The following RNF167 variants were observed in gnomAD, a reference collection of about 807,000 sequenced individuals.
RNF167 encodes E3 ubiquitin-protein ligase RNF167.
A neutral mutation model predicts 34.8 loss-of-function variants in RNF167; 19 were observed. The observed-to-expected ratio is 0.55, with a 90% CI of 0.38 to 0.80. The LOEUF (loss-of-function observed/expected upper bound fraction) is 0.80, where lower values mean the gene tolerates loss of function less well. RNF167 is among the 30% of genes least tolerant of loss of function. The probability of loss-of-function intolerance (pLI) is 0.00; values close to 1 mark genes in which losing one functional copy is unlikely to be tolerated. For missense variants in RNF167, 464 were observed against 447.0 expected (o/e 1.04, Z -0.34); for synonymous variants, 200 against 170.4 (o/e 1.17, Z -1.35).
In RNF167 at chr17:4,940,702, C is replaced by T. The variant is rs1970705101; in HGVS notation, c.-208C>T. 4.2e-6 allele frequency: 2 copies of T among 478,466 alleles called. No homozygotes were observed. The highest frequency in any genetic ancestry group is 7.4e-6 in the Non-Finnish European group (2 of 270,520). The allele number at this position is 478,466 out of a possible 1,614,324, so 29.6% of individuals were successfully genotyped here. ...GTACCAGAAAAGGATACATTTAGTG[C>T]CTCCCACCCAGCTCCACTAAACGGG... On this transcript the variant is annotated 5_prime_UTR_variant, in exon 2 of 10. Transcript: ENST00000262482.
At position 4,944,753 on chromosome 17, in the gene RNF167, A is replaced by T. The variant is rs763955985; in HGVS notation, c.790A>T (p.Thr264Ser). ...CTGCGTGGACCCCTGGCTCACTCAG[A>T]CCCGGAAGACCTGCCCCATTTGCAA... ...SRCVDPWLTQTRKTCPICKQP... is the reference protein window; with the variant it reads ...SRCVDPWLTQSRKTCPICKQP... The change falls in exon 10 of 10, where the codon ACC (threonine) becomes TCC (serine). Residue 264 changes from threonine (T) to serine (S), a missense_variant. Coordinates refer to ENST00000262482, the MANE Select transcript of RNF167 (RefSeq NM_015528.3). The T allele has an allele frequency of 9.3e-6, 15 of 1,613,202 alleles. No homozygotes were observed. In the South Asian group the frequency reaches 1.5e-4, roughly 17 times the overall value.
intron 5 of RNF167, 43 bp downstream of exon 5, chr17:4,942,707 CCA>C: frequency 6.2e-7 from 1 of 1,604,170 alleles, no homozygotes; most frequent in Non-Finnish European, 8.5e-7. Context: ...TCAGTAGGAC[CCA>C]GAGATGGTGG....
Position 4,944,970 on chromosome 17 carries a change from C to T in RNF167, c.1007C>T (p.Thr336Ile), listed in dbSNP as rs767059096. ...CCCCTTGTTTTTCCTGGGCCTTCAACAGATCCCCCACTGTCCCCTCCCTCT... is the reference window on the plus strand; with the variant it reads ...CCCCTTGTTTTTCCTGGGCCTTCAATAGATCCCCCACTGTCCCCTCCCTCT... ...PAPLVFPGPS[T>I]DPPLSPPSSP... Residue 336 changes from threonine (T) to isoleucine (I), a missense_variant, in exon 10 of 10, where the codon ACA becomes ATA. Thr to Ile is a moderately conservative substitution (Grantham distance 89, BLOSUM62 -1). Transcript: ENST00000262482. 1.3e-6 allele frequency: 2 copies of T among 1,594,512 alleles called. No homozygotes were observed. Among genetic ancestry groups the T allele is most frequent in the Non-Finnish European group, 1.7e-6 (2 of 1,170,116 alleles).
rs1388423991 is a variant in RNF167, at chr17:4,943,411, C to T, written c.577-15C>T. On this transcript the variant is annotated splice_polypyrimidine_tract_variant and intron_variant, in intron 7 of 9. Coordinates refer to ENST00000262482, the MANE Select transcript of RNF167 (RefSeq NM_015528.3). The stretch of plus-strand genomic sequence containing the variant: ...TTGTTCCTAAGCCTTGTCCATCCAC[C>T]CCCGCTTCCCCCAGATAGCTCGTTG... The T allele has an allele frequency of 3.7e-6, 6 of 1,611,596 alleles. No individual in the cohort carries two copies. Among genetic ancestry groups the T allele is most frequent in the Non-Finnish European group, 5.1e-6 (6 of 1,178,580 alleles).
At chr17:4,940,261 T>G, upstream of RNF167, 9 of 207,800 alleles carry the variant, frequency 4.3e-5, no homozygotes, top group Non-Finnish European at 3.8e-5. Flanking sequence ...TGGAGCGCTC[T>G]CGCGATAGAC....
In RNF167 at chr17:4,944,704, C is replaced by T; in HGVS notation, c.752-11C>T. 2 of 1,614,140 alleles carry T rather than the reference C, an allele frequency of 1.2e-6. No individual in the cohort carries two copies. The highest frequency in any genetic ancestry group is 1.7e-6 in the Non-Finnish European group (2 of 1,180,034). ...CAGCCACCAGGTGCTTCACCTTGTT[C>T]CTCTCTGCAGCCTACCACAGCCGCT... On this transcript the variant is annotated splice_polypyrimidine_tract_variant and intron_variant, in intron 9 of 9. Coordinates refer to ENST00000262482, the MANE Select transcript of RNF167 (RefSeq NM_015528.3).
In RNF167 at chr17:4,940,770, C is replaced by A; in HGVS notation, c.-140C>A. 1.5e-6 allele frequency: 1 copy of A among 669,678 alleles called. No homozygotes were observed. The highest frequency in any genetic ancestry group is 1.8e-5 in the African/African-American group (1 of 54,732). 41.5% of individuals were successfully genotyped at this position (669,678 alleles called of 1,614,324 possible). On this transcript the variant is annotated 5_prime_UTR_variant, in exon 2 of 10. Coordinates refer to ENST00000262482, the MANE Select transcript of RNF167 (RefSeq NM_015528.3). The stretch of plus-strand genomic sequence containing the variant: ...TGAGTTGGTGTTCCTTCCCCGGCGC[C>A]CCCATGTAGCTGGGAAGTGGGACCT...
Position 4,945,203 on chromosome 17 carries a change from A to ATTGTAATAAAACAATT in RNF167, c.*191_*192insAATAAAACAATTTTGT. ...GGTCTTCACTTCTTGGGCTAATAAA[A>ATTGTAATAAAACAATT]TTGTTTCTTTGTGGACTAAGGAAGG... On this transcript the variant is annotated 3_prime_UTR_variant, in exon 10 of 10. Transcript: ENST00000262482. 1 of 519,420 alleles carries ATTGTAATAAAACAATT rather than the reference A, an allele frequency of 1.9e-6. No individual in the cohort carries two copies. Among genetic ancestry groups the ATTGTAATAAAACAATT allele is most frequent in the Non-Finnish European group, 3.3e-6 (1 of 301,226 alleles). 32.2% of individuals were successfully genotyped at this position (519,420 alleles called of 1,614,324 possible). A position where few individuals can be genotyped will look rare whatever the true frequency, so the allele number is the denominator to read the frequency against.
intron 8 of RNF167, 176 bp from the exon 9 acceptor site, chr17:4,944,382 C>T: frequency 1.5e-6 from 2 of 1,349,950 alleles, no homozygotes; most frequent in Non-Finnish European, 9.5e-7. Flanking sequence ...CTTCTCTTTG[C>T]TTGTCCCTTC....
rs1450082040 is a variant in RNF167, at chr17:4,942,610, G to A, written c.325G>A (p.Ala109Thr). ...TGCCCAGAAGGCTGGATATGGTGCCGCTGTAGTACACAATGTGAATTCCAA... is the reference window on the plus strand; with the variant it reads ...TGCCCAGAAGGCTGGATATGGTGCCACTGTAGTACACAATGTGAATTCCAA... The part of the protein sequence containing the change: ...LNAQKAGYGA[A>T]VVHNVNSNEL... Residue 109 changes from alanine (A) to threonine (T), a missense_variant, in exon 5 of 10, where the codon GCT becomes ACT. Transcript: ENST00000262482. 6.8e-6 allele frequency: 11 copies of A among 1,614,034 alleles called. No individual in the cohort carries two copies. The highest frequency in any genetic ancestry group is 3.3e-5 in the South Asian group (3 of 91,086).
In RNF167 at chr17:4,942,335, C is replaced by T; in HGVS notation, c.166-6C>T. 1.2e-6 allele frequency: 2 copies of T among 1,613,472 alleles called. No individual in the cohort carries two copies. The highest frequency in any genetic ancestry group is 1.7e-6 in the Non-Finnish European group (2 of 1,179,980). ...AATCTCACTGTTGTTTGCTTCCATCCTTCAGGGGTTCCTTGTGGAGGCTCA... is the reference window on the plus strand; with the variant it reads ...AATCTCACTGTTGTTTGCTTCCATCTTTCAGGGGTTCCTTGTGGAGGCTCA... On this transcript the variant is annotated splice_polypyrimidine_tract_variant and splice_region_variant and intron_variant, in intron 3 of 9. Transcript: ENST00000262482.
chr17:4,943,420 C>T lies in RNF167; in HGVS notation c.577-6C>T. On this transcript the variant is annotated splice_polypyrimidine_tract_variant and splice_region_variant and intron_variant, in intron 7 of 9. Transcript: ENST00000262482. ...AGCCTTGTCCATCCACCCCCGCTTC[C>T]CCCAGATAGCTCGTTGTATCCAGCA... The T allele has an allele frequency of 6.2e-7, 1 of 1,613,268 alleles. No homozygotes were observed. The highest frequency in any genetic ancestry group is 8.5e-7 in the Non-Finnish European group (1 of 1,179,612).
At position 4,942,959 on chromosome 17, in the gene RNF167, T is replaced by C. The variant is rs1340039992; in HGVS notation, c.470+18T>C. 3.1e-6 allele frequency: 5 copies of C among 1,609,086 alleles called. No individual in the cohort carries two copies. Among genetic ancestry groups the C allele is most frequent in the Non-Finnish European group, 3.4e-6 (4 of 1,175,674 alleles). ...GAGAAGGGGTAGGACATGTGCCTCCTTCCCATTCTTCCTTCAGCAAGCAGT... is the reference window on the plus strand; with the variant it reads ...GAGAAGGGGTAGGACATGTGCCTCCCTCCCATTCTTCCTTCAGCAAGCAGT... On this transcript the variant is annotated intron_variant, in intron 6 of 9. Coordinates refer to ENST00000262482, the MANE Select transcript of RNF167 (RefSeq NM_015528.3).
intron 8 of RNF167, chr17:4,944,322 T>A (rs1971156690): frequency 2.0e-6 from 2 of 976,194 alleles, no homozygotes; most frequent in Non-Finnish European, 2.7e-6. Flanking sequence ...TTCCACTCCC[T>A]ATCTCCACCC....
At chr17:4,941,188 C>G (rs1163214043) in intron 3 of RNF167, 31 bp downstream of exon 3, 1 of 1,561,508 alleles carries the variant, frequency 6.4e-7, no homozygotes, top group Non-Finnish European at 8.8e-7. Context: ...TTCCTCCTTC[C>G]CTCCCTTCCT....
chr17:4,940,150 C>G (rs779913451), upstream of RNF167: 192 of 408,610 alleles, frequency 4.7e-4, no homozygotes, highest in Non-Finnish European at 6.8e-4. Context: ...GATTTGGAAA[C>G]CAGAGGAAAG....
At position 4,941,257 on chromosome 17, in the gene RNF167, G is replaced by C. The variant is rs1252626210; in HGVS notation, c.165+100G>C. 2.7e-6 allele frequency: 3 copies of C among 1,093,100 alleles called. No individual in the cohort carries two copies. In the East Asian group the frequency reaches 7.7e-5, roughly 28 times the overall value. 67.7% of individuals were successfully genotyped at this position (1,093,100 alleles called of 1,614,324 possible). A position where few individuals can be genotyped will look rare whatever the true frequency, so the allele number is the denominator to read the frequency against. ...CGCAAGATCCTCCATCCTAGGCTGG[G>C]GTTGGGGAGGTTTGTCCTGGGTGAA... On this transcript the variant is annotated intron_variant, in intron 3 of 9. Transcript: ENST00000262482.
intron 4 of RNF167, 50 bp downstream of exon 4, chr17:4,942,516 A>C (rs1487337760): frequency 6.2e-7 from 1 of 1,613,112 alleles, no homozygotes; most frequent in Admixed American, 1.7e-5. Context: ...AAAAAAAGGC[A>C]CCAGGAATGA....
At chr17:4,941,183 C>T (rs145789550) in intron 3 of RNF167, 26 bp downstream of exon 3, 69 of 1,562,318 alleles carry the variant, frequency 4.4e-5, no homozygotes, top group Non-Finnish European at 5.8e-5. Context: ...TTCTTTTCCT[C>T]CTTCCCTCCC....
Sources: gnomAD v4.1 joint callset for allele counts on GRCh38, gnomAD v4.1.1 for gene constraint, MANE v1.5 for transcripts, NCBI Gene and HGNC (gene_info 2026-07-23, HGNC 2026-07-21) for gene names.